PAICS: variants seen among roughly 807,000 people sequenced by gnomAD.
PAICS encodes the protein phosphoribosylaminoimidazole carboxylase and phosphoribosylaminoimidazolesuccinocarboxamide synthase.
A neutral mutation model predicts 53.7 loss-of-function variants in PAICS; 33 were observed. That is an observed-to-expected ratio of 0.61 (90% CI 0.47 to 0.82). The LOEUF is 0.82. PAICS is among the 40% of genes least tolerant of loss of function. PAICS has a pLI of 0.00. For synonymous variants in PAICS, 141 were observed against 167.2 expected (o/e 0.84, Z 1.21); for missense variants, 394 against 494.1 (o/e 0.80, Z 1.92).
the PAICS span, among the ~76,000 whole-genome samples, chr4:56,426,398 T>A: frequency 6.7e-6 from 1 of 149,986 alleles, no homozygotes. Flanking sequence ...CAAGACTCTG[T>A]CTCAAAAAAA....
Position 56,459,547 on chromosome 4 carries a change from G to A in PAICS, c.*9G>A, listed in dbSNP as rs778548327. The A allele has an allele frequency of 3.3e-6, 5 of 1,526,636 alleles. No individual in the cohort carries two copies. The African/African-American group carries it at 6.9e-5, about 21-fold the overall frequency. The allele number at this position is 1,526,636 out of a possible 1,614,324, so 94.6% of individuals were successfully genotyped here. On this transcript the variant is annotated 3_prime_UTR_variant, in exon 9 of 9. Coordinates refer to ENST00000512576, the MANE Select transcript of PAICS (RefSeq NM_001079524.2). ...GAGAATGTAATTTATAAGAAAGAATGCCATTGAATTTTTTAGGGGAAAAAC... is the reference window on the plus strand; with the variant it reads ...GAGAATGTAATTTATAAGAAAGAATACCATTGAATTTTTTAGGGGAAAAAC...
In PAICS at chr4:56,448,404, T is replaced by G; in HGVS notation, c.394-14T>G. The stretch of plus-strand genomic sequence containing the variant: ...TAGATTGAAGTTAATTGTACTACTA[T>G]ACTTTATTCACAGGATGATGCCAAT... On this transcript the variant is annotated splice_polypyrimidine_tract_variant and intron_variant, in intron 3 of 8. Coordinates refer to ENST00000512576, the MANE Select transcript of PAICS (RefSeq NM_001079524.2). The G allele has an allele frequency of 6.5e-7, 1 of 1,543,646 alleles. No homozygotes were observed. The highest frequency in any genetic ancestry group is 8.8e-7 in the Non-Finnish European group (1 of 1,138,594).
At chr4:56,416,279 T>A in the PAICS span, 4 of 166,736 alleles carry the variant, frequency 2.4e-5, no homozygotes, top group African/African-American at 9.6e-5. Context: ...TTCAAGAATA[T>A]GACCACATTT....
In PAICS at chr4:56,459,382, T is replaced by G; in HGVS notation, c.1122T>G (p.Cys374Trp). The change falls in exon 9 of 9, where the codon TGT becomes TGG. Residue 374 changes from cysteine to tryptophan, a missense_variant. Transcript: ENST00000512576. ...SSLRLPSGLG[C>W]STVLSPEGSA... is the part of the protein sequence containing the mutation. ...TTGCTGAACCAATAGGTCTTGGCTG[T>G]TCAACCGTACTTTCTCCAGAAGGAT... The G allele has an allele frequency of 1.3e-6, 2 of 1,588,616 alleles. No homozygotes were observed. Among genetic ancestry groups the G allele is most frequent in the Non-Finnish European group, 1.7e-6 (2 of 1,162,794 alleles).
chr4:56,416,412 T>A, the PAICS span: 2 of 877,604 alleles, frequency 2.3e-6, no homozygotes, highest in Non-Finnish European at 2.7e-6. Context: ...TTACTTCTGG[T>A]TTCTCATGTC....
chr4:56,421,618 G>C, the PAICS span: 1 of 152,224 alleles, frequency 6.6e-6, no homozygotes, highest in Non-Finnish European at 1.5e-5. Context: ...AAGACAGTCT[G>C]CGTCTAGGGA....
chr4:56,422,729 C>A, the PAICS span: 19 of 152,054 alleles, frequency 1.2e-4, no homozygotes, highest in African/African-American at 4.4e-4. Flanking sequence ...TAGACGCTAC[C>A]ATACCTAAGA....
chr4:56,456,005 T>C (rs1163641549), intron 8 of PAICS, among the ~76,000 whole-genome samples: 2 of 152,188 alleles, frequency 1.3e-5, no homozygotes, highest in African/African-American at 4.8e-5. Flanking sequence ...AAATTTGGGC[T>C]TCCCTTGATT....
chr4:56,441,284 CTTAA>C (rs1487862509), intron 1 of PAICS, among the ~76,000 whole-genome samples: 4 of 152,030 alleles, frequency 2.6e-5, no homozygotes, highest in Non-Finnish European at 4.4e-5. Context: ...TTAAGTGGGT[CTTAA>C]TTAATTTTAA....
chr4:56,442,444 G>C (rs1718388319), intron 2 of PAICS, among the ~76,000 whole-genome samples: 1 of 152,160 alleles, frequency 6.6e-6, no homozygotes, highest in Non-Finnish European at 1.5e-5. Context: ...AAGACCAAAT[G>C]AAGATCAGAA....
the PAICS span, among the ~76,000 whole-genome samples, chr4:56,427,539 G>A: frequency 6.6e-6 from 1 of 151,954 alleles, no homozygotes; most frequent in Non-Finnish European, 1.5e-5. Context: ...AGGCATGGTG[G>A]TAGGCACCTG....
chr4:56,439,475 G>A (rs1270995259), intron 1 of PAICS, among the ~76,000 whole-genome samples: 1 of 152,024 alleles, frequency 6.6e-6, no homozygotes, highest in African/African-American at 2.4e-5. Context: ...AACCTCAAGT[G>A]ATCCGCCCGC....
chr4:56,458,358 C>T (rs1171126441), intron 8 of PAICS, among the ~76,000 whole-genome samples: 1 of 151,232 alleles, frequency 6.6e-6, no homozygotes, highest in African/African-American at 2.4e-5. Flanking sequence ...CAGGTTATTT[C>T]AAATATTAGA....
chr4:56,428,240 T>C, the PAICS span, among the ~76,000 whole-genome samples: 1 of 152,224 alleles, frequency 6.6e-6, no homozygotes, highest in East Asian at 1.9e-4. Flanking sequence ...TCATGTTGAT[T>C]TGTAGGTAAT....
At chr4:56,444,773 TG>T (rs1283688079) in intron 2 of PAICS, among the ~76,000 whole-genome samples, 1 of 152,194 alleles carries the variant, frequency 6.6e-6, no homozygotes, top group Non-Finnish European at 1.5e-5. Flanking sequence ...CTTCATTATG[TG>T]CTTTTGGTTC....
chr4:56,437,256 G>GGTGTGTGTGTGTGTGT lies in PAICS; in HGVS notation c.16+955_16+970dup, dbSNP rs57161391. On this transcript the variant is annotated intron_variant, in intron 1 of 8. Coordinates refer to ENST00000512576, the MANE Select transcript of PAICS (RefSeq NM_001079524.2). ...TTTAGGTAGTCTTTGATGCCATGAT[G>GGTGTGTGTGTGTGTGT]GTGTGTGTGTGTGTGTGTGTGTGTG... is the stretch of plus-strand genomic sequence containing the variant. Among the ~76,000 whole-genome samples the GGTGTGTGTGTGTGTGT allele has an allele frequency of 1.0e-3, 129 of 124,400 alleles. 1 individual carries two copies. The highest frequency in any genetic ancestry group is 2.9e-3 in the African/African-American group (91 of 31,716). The allele number at this position is 124,400 out of a possible 152,430, so 81.6% of individuals were successfully genotyped here.
At chr4:56,453,168 CTTGT>C (rs1305086935) in intron 7 of PAICS, among the ~76,000 whole-genome samples, 1 of 152,186 alleles carries the variant, frequency 6.6e-6, no homozygotes, top group African/African-American at 2.4e-5. Flanking sequence ...TCCTTCAACT[CTTGT>C]TTGAAGACGT....
the PAICS span, chr4:56,410,899 T>TA: frequency 2.6e-3 from 1,768 of 678,268 alleles, 40 homozygotes; most frequent in East Asian, 0.052. Flanking sequence ...CCACTGAAGG[T>TA]AAAAAAAAAA....
chr4:56,416,432 GA>G, the PAICS span: 1 of 701,094 alleles, frequency 1.4e-6, no homozygotes, highest in Non-Finnish European at 1.8e-6. Flanking sequence ...CAGACCAATG[GA>G]ACTAGGTATA....
Sources: allele counts gnomAD v4.1 joint callset (sites outside exome capture counted in the v4.1 genomes callset), GRCh38; gene constraint gnomAD v4.1.1; transcripts MANE v1.5; gene names NCBI Gene and HGNC (gene_info 2026-07-23, HGNC 2026-07-21).